Variants in CFAP52 observed in about 807,000 individuals in gnomAD.
CFAP52 encodes cilia- and flagella-associated protein 52.
In CFAP52, 57 loss-of-function variants were observed where a neutral mutation model predicts 70.5. The observed-to-expected ratio is 0.81, with a 90% CI of 0.65 to 1.01. CFAP52 has a LOEUF of 1.01. Among genes scored for constraint, CFAP52 ranks in the 50% least tolerant of loss-of-function variants. The pLI, the probability that CFAP52 is intolerant of heterozygous loss-of-function variation, is 0.00. For synonymous variants in CFAP52, 267 were observed against 292.5 expected (o/e 0.91, Z 0.89); for missense variants, 785 against 788.5 (o/e 1.00, Z 0.05).
chr17:9,599,271 TTTCA>T (rs1461238274), intron 5 of CFAP52, among the ~76,000 whole-genome samples: 10 of 152,234 alleles, frequency 6.6e-5, no homozygotes, highest in African/African-American at 1.9e-4. Context: ...TTTTGGAGCA[TTTCA>T]GATTTTAGAT....
chr17:9,606,651 C>T (rs1180090370), intron 6 of CFAP52, among the ~76,000 whole-genome samples: 1 of 152,154 alleles, frequency 6.6e-6, no homozygotes, highest in Non-Finnish European at 1.5e-5. Context: ...ACTTGAATGA[C>T]GTCATCTATA....
Position 9,608,195 on chromosome 17 carries a change from A to T in CFAP52, c.830A>T (p.Lys277Ile). The change falls in exon 7 of 14, where the codon AAA (lysine) becomes ATA (isoleucine). Residue 277 changes from lysine (K) to isoleucine (I), a missense_variant. Physicochemically the swap from Lys to Ile is moderately radical, Grantham distance 102. Transcript: ENST00000352665. The stretch of plus-strand genomic sequence containing the variant: ...GGAGCCGGACTGCTGGTCTTCTGTA[A>T]AAGCCCTGGCTACAAACCCATCAAG... ...GSGAGLLVFC[K>I]SPGYKPIKKI... 6.2e-7 allele frequency: 1 copy of T among 1,611,002 alleles called. No individual in the cohort carries two copies. The highest frequency in any genetic ancestry group is 8.5e-7 in the Non-Finnish European group (1 of 1,178,188).
chr17:9,639,705 T>C (rs1195700819), intron 12 of CFAP52, among the ~76,000 whole-genome samples: 1 of 151,916 alleles, frequency 6.6e-6, no homozygotes, highest in East Asian at 1.9e-4. Context: ...GACATGATAC[T>C]GGCGGGCGGG....
chr17:9,631,043 AGAGAGAGAG>A (rs1910488083), intron 9 of CFAP52, among the ~76,000 whole-genome samples: 2 of 95,450 alleles, frequency 2.1e-5, no homozygotes, highest in African/African-American at 9.3e-5. Flanking sequence ...AGAGAGAGAG[AGAGAGAGAG>A]AGAAAGAAAG....
rs73975759 is a variant in CFAP52, at chr17:9,635,203, C to T, written c.1321-202C>T. On this transcript the variant is annotated intron_variant, in intron 10 of 13. Transcript: ENST00000352665. ...AGGATTGTTAGTAGCATTTTTGAAG[C>T]TCTGTTGAAGATGATCACATCTTAT... 4.7e-4 allele frequency among the ~76,000 whole-genome samples: 72 copies of T among 152,202 alleles called. No individual in the cohort carries two copies. In the Middle Eastern group the frequency reaches 0.01, roughly 22 times the overall value.
At chr17:9,579,326 C>T (rs553365339) in intron 1 of CFAP52, among the ~76,000 whole-genome samples, 1 of 151,844 alleles carries the variant, frequency 6.6e-6, no homozygotes, top group Admixed American at 6.6e-5. Flanking sequence ...ACAGCAATAG[C>T]GGGGGGCAGA....
chr17:9,633,079 A>G lies in CFAP52; in HGVS notation c.1320+46A>G, dbSNP rs748195329. 3.8e-6 allele frequency: 6 copies of G among 1,589,250 alleles called. No individual in the cohort carries two copies. The Admixed American group carries it at 6.9e-5, about 18-fold the overall frequency. On this transcript the variant is annotated intron_variant, in intron 10 of 13. Coordinates refer to ENST00000352665, the MANE Select transcript of CFAP52 (RefSeq NM_145054.5). ...AAAAAATAACGCTCTGTTTAGAACA[A>G]CTGCCCTATAGGAAGCCATCTATTT...
At chr17:9,640,651 G>T (rs1427172753) in intron 12 of CFAP52, among the ~76,000 whole-genome samples, 3 of 150,482 alleles carry the variant, frequency 2.0e-5, no homozygotes, top group Non-Finnish European at 3.0e-5. Context: ...TGTTTTTTTT[G>T]GAGACAGAGT....
intron 1 of CFAP52, chr17:9,584,075 C>G (rs1013772663): frequency 4.2e-6 from 2 of 477,336 alleles, no homozygotes; most frequent in African/African-American, 4.2e-5. Flanking sequence ...GGCAGTTAGT[C>G]AATATGTTGG....
At chr17:9,629,259 C>T (rs1209646719) in intron 9 of CFAP52, among the ~76,000 whole-genome samples, 2 of 152,062 alleles carry the variant, frequency 1.3e-5, no homozygotes, top group African/African-American at 4.8e-5. Context: ...CGTGATATTC[C>T]ACCTCTAAAG....
intron 2 of CFAP52, among the ~76,000 whole-genome samples, chr17:9,586,276 A>G (rs1156749702): frequency 4.6e-5 from 7 of 152,128 alleles, no homozygotes; most frequent in Non-Finnish European, 7.4e-5. Flanking sequence ...GAAAAGTGAT[A>G]GAGCGGGCTG....
At chr17:9,598,408 G>A in intron 5 of CFAP52, 75 bp downstream of exon 5, 1 of 1,236,796 alleles carries the variant, frequency 8.1e-7, no homozygotes, top group Non-Finnish European at 1.2e-6. Flanking sequence ...GTGTTTGTGT[G>A]TGTGTACATG....
intron 10 of CFAP52, among the ~76,000 whole-genome samples, chr17:9,634,254 A>C (rs1910679736): frequency 6.6e-6 from 1 of 152,134 alleles, no homozygotes; most frequent in African/African-American, 2.4e-5. Flanking sequence ...GTTTGTGCTC[A>C]TCTTATTTTT....
At position 9,576,762 on chromosome 17, in the gene CFAP52, A is replaced by G. The variant is rs768349856; in HGVS notation, c.67A>G (p.Asn23Asp). 54 of 1,611,786 alleles carry G rather than the reference A, an allele frequency of 3.4e-5. No homozygotes were observed. Among genetic ancestry groups the G allele is most frequent in the Non-Finnish European group, 4.2e-5 (50 of 1,179,070 alleles). ...ELELDAVIGFNGHVPTGLKCH... is the reference protein window; with the variant it reads ...ELELDAVIGFDGHVPTGLKCH... ...GGAACTTGACGCCGTGATCGGCTTCAATGGTGAGGCCTCCAGCATCTTTGG... is the reference window on the plus strand; with the variant it reads ...GGAACTTGACGCCGTGATCGGCTTCGATGGTGAGGCCTCCAGCATCTTTGG... Residue 23 changes from asparagine (N) to aspartate (D), a missense_variant, in exon 1 of 14, where the codon AAT (asparagine) becomes GAT (aspartate). Asn to Asp is a conservative substitution (Grantham distance 23, BLOSUM62 1). Transcript: ENST00000352665.
chr17:9,640,619 C>T (rs908699282), intron 12 of CFAP52, among the ~76,000 whole-genome samples: 5 of 151,992 alleles, frequency 3.3e-5, no homozygotes, highest in African/African-American at 1.2e-4. Context: ...TATATATCTG[C>T]CACATTTTCT....
intron 8 of CFAP52, 130 bp from the exon 9 acceptor site, chr17:9,628,542 G>C: frequency 7.9e-7 from 1 of 1,262,438 alleles, no homozygotes; most frequent in Middle Eastern, 2.0e-4. Flanking sequence ...CTCCCAAAGT[G>C]CTGGGATTAC....
rs182977985 is a variant in CFAP52 at position 9,599,954 on chromosome 17, T to C, written c.637-113T>C. 2.5e-3 allele frequency: 1,964 copies of C among 778,724 alleles called. 7 individuals are homozygous for C. Among genetic ancestry groups the C allele is most frequent in the Non-Finnish European group, 3.6e-3 (1,627 of 449,514 alleles). The allele number at this position is 778,724 out of a possible 1,614,324, so 48.2% of individuals were successfully genotyped here. A position where few individuals can be genotyped will look rare whatever the true frequency, so the allele number is the denominator to read the frequency against. ...CAGGGTTTCTCCATGTTGGTCAGTCTGGTCTTGAACTCCTGACCTCAGGTG... is the reference window on the plus strand; with the variant it reads ...CAGGGTTTCTCCATGTTGGTCAGTCCGGTCTTGAACTCCTGACCTCAGGTG... On this transcript the variant is annotated intron_variant, in intron 5 of 13. Transcript: ENST00000352665.
intron 8 of CFAP52, among the ~76,000 whole-genome samples, chr17:9,623,755 C>T (rs1282199846): frequency 4.6e-5 from 7 of 152,124 alleles, no homozygotes; most frequent in South Asian, 2.1e-4. Context: ...TCCATTCACC[C>T]GCATGATCAT....
intron 12 of CFAP52, 45 bp from the exon 13 acceptor site, chr17:9,641,679 T>G: frequency 6.9e-7 from 1 of 1,442,460 alleles, no homozygotes; most frequent in Non-Finnish European, 9.7e-7. Context: ...CATGGATGAC[T>G]CTCCTGAGCT....
Sources: gnomAD v4.1 joint callset for allele counts (sites outside exome capture counted in the v4.1 genomes callset) on GRCh38, gnomAD v4.1.1 for gene constraint, MANE v1.5 for transcripts, NCBI Gene and HGNC (gene_info 2026-07-23, HGNC 2026-07-21) for gene names.